The following RBFOX2 variants were observed in gnomAD, a reference collection of about 807,000 sequenced individuals.
RBFOX2 encodes the protein RNA binding protein fox-1 homolog 2.
In RBFOX2, 10 loss-of-function variants were observed where a neutral mutation model predicts 49.1. The observed-to-expected ratio is 0.20, with a 90% CI of 0.13 to 0.35. The LOEUF (loss-of-function observed/expected upper bound fraction) is 0.35, where lower values mean the gene tolerates loss of function less well. RBFOX2 is among the 10% of genes least tolerant of loss of function. The probability of loss-of-function intolerance (pLI) is 1.00; values close to 1 mark genes in which losing one functional copy is unlikely to be tolerated. For missense variants in RBFOX2, 323 were observed against 486.9 expected (o/e 0.66, Z 3.17); for synonymous variants, 183 against 187.4 (o/e 0.98, Z 0.19).
intron 1 of RBFOX2, among the ~76,000 whole-genome samples, chr22:35,834,478 CAACA>C (rs1347463320): frequency 1.3e-5 from 2 of 152,088 alleles, no homozygotes; most frequent in African/African-American, 4.8e-5. Flanking sequence ...AGGAGACAGA[CAACA>C]AACAAACATA....
intron 1 of RBFOX2, among the ~76,000 whole-genome samples, chr22:35,879,376 T>G (rs945683113): frequency 6.6e-6 from 1 of 152,232 alleles, no homozygotes; most frequent in African/African-American, 2.4e-5. Flanking sequence ...TTACACTTCA[T>G]TAGGTACTAT....
intron 1 of RBFOX2, among the ~76,000 whole-genome samples, chr22:35,958,922 T>C (rs1295851399): frequency 6.6e-6 from 1 of 151,994 alleles, no homozygotes; most frequent in Non-Finnish European, 1.5e-5. Context: ...TAGTCTCCAT[T>C]AAGTAAAAGG....
intron 1 of RBFOX2, among the ~76,000 whole-genome samples, chr22:35,905,752 G>C (rs1183452948): frequency 6.6e-6 from 1 of 152,100 alleles, no homozygotes; most frequent in East Asian, 1.9e-4. Context: ...GGAGGGGGAT[G>C]AGGAAGCTCT....
intron 9 of RBFOX2, chr22:35,747,167 C>A (rs1435960431): frequency 6.6e-6 from 1 of 152,226 alleles, no homozygotes; most frequent in Non-Finnish European, 1.5e-5. Flanking sequence ...CAGCTTGCCA[C>A]CTGTTTTTGA....
chr22:35,901,838 T>C (rs536075451), intron 1 of RBFOX2, among the ~76,000 whole-genome samples: 3 of 152,104 alleles, frequency 2.0e-5, no homozygotes, highest in East Asian at 1.9e-4. Context: ...TCCCAGCAAT[T>C]TGGGAGGCTG....
chr22:35,843,167 C>A (rs769777257), upstream of RBFOX2, among the ~76,000 whole-genome samples: 6 of 152,094 alleles, frequency 3.9e-5, no homozygotes, highest in Non-Finnish European at 8.8e-5. Context: ...AAACTGGAGT[C>A]CCCTGGTGGC....
intron 1 of RBFOX2, chr22:35,840,042 GAC>G (rs1484733226): frequency 3.7e-6 from 4 of 1,091,596 alleles, no homozygotes; most frequent in African/African-American, 1.6e-5. Flanking sequence ...GGACTCAACA[GAC>G]ACAGACTTTT....
chr22:36,012,965 C>G (rs986626740), intron 1 of RBFOX2, among the ~76,000 whole-genome samples: 8 of 152,110 alleles, frequency 5.3e-5, no homozygotes, highest in Admixed American at 4.6e-4. Context: ...GGGGTTTCAA[C>G]CTGTTGGCCA....
chr22:35,840,912 T>G (rs1418995675), upstream of RBFOX2, among the ~76,000 whole-genome samples: 1 of 152,218 alleles, frequency 6.6e-6, no homozygotes, highest in African/African-American at 2.4e-5. Flanking sequence ...AGTGAAAAGC[T>G]ATTACATGAC....
At chr22:35,807,784 GA>G (rs199935645) in intron 2 of RBFOX2, among the ~76,000 whole-genome samples, 12 of 150,210 alleles carry the variant, frequency 8.0e-5, no homozygotes, top group South Asian at 4.2e-4. Context: ...AAAAATCAAT[GA>G]AAAAAAAAGT....
intron 1 of RBFOX2, among the ~76,000 whole-genome samples, chr22:35,906,746 T>C (rs923611511): frequency 1.3e-5 from 2 of 151,964 alleles, no homozygotes; most frequent in African/African-American, 4.8e-5. Flanking sequence ...ACCCAGGAAG[T>C]GGAGGCTGCA....
At chr22:35,946,988 T>C (rs992594473) in intron 1 of RBFOX2, among the ~76,000 whole-genome samples, 2 of 152,164 alleles carry the variant, frequency 1.3e-5, no homozygotes, top group African/African-American at 2.4e-5. Flanking sequence ...GGTCAGGAGT[T>C]CGAGACCAGC....
intron 1 of RBFOX2, among the ~76,000 whole-genome samples, chr22:35,888,470 T>TTGGA (rs1362452172): frequency 6.6e-6 from 1 of 152,192 alleles, no homozygotes; most frequent in Non-Finnish European, 1.5e-5. Flanking sequence ...CTCTAGGCTA[T>TTGGA]TGTCTTAGTC....
At chr22:35,750,264 C>CACAA (rs907383080) in intron 9 of RBFOX2, among the ~76,000 whole-genome samples, 1 of 152,168 alleles carries the variant, frequency 6.6e-6, no homozygotes, top group East Asian at 1.9e-4. Context: ...CAGCTGACTG[C>CACAA]ACAAACAAAC....
chr22:36,009,898 A>G (rs1005513930), intron 1 of RBFOX2, among the ~76,000 whole-genome samples: 1 of 152,242 alleles, frequency 6.6e-6, no homozygotes, highest in Admixed American at 6.5e-5. Context: ...TTAGGTTACC[A>G]GGTGGAATAA....
At chr22:35,825,629 G>A (rs957541421) in intron 1 of RBFOX2, among the ~76,000 whole-genome samples, 7 of 152,162 alleles carry the variant, frequency 4.6e-5, no homozygotes, top group African/African-American at 1.7e-4. Context: ...CAAGGCCTTC[G>A]GTTTTTCATC....
At chr22:35,976,219 G>T (rs2057141486) in intron 1 of RBFOX2, among the ~76,000 whole-genome samples, 1 of 152,102 alleles carries the variant, frequency 6.6e-6, no homozygotes, top group Non-Finnish European at 1.5e-5. Context: ...CACTTTTCAT[G>T]TTAAATCCCC....
chr22:35,761,252 G>A, exon 8 of RBFOX2: 1 of 1,614,150 alleles, frequency 6.2e-7, no homozygotes. Context: ...TAGGGGCACT[G>A]CTGCATCATT....
intron 1 of RBFOX2, among the ~76,000 whole-genome samples, chr22:35,947,495 C>T (rs1236187285): frequency 6.7e-6 from 1 of 150,262 alleles, no homozygotes; most frequent in Non-Finnish European, 1.5e-5. Context: ...TGAGGTCTTC[C>T]AGCACACGGC....
Sources: allele counts gnomAD v4.1 joint callset (sites outside exome capture counted in the v4.1 genomes callset), GRCh38; gene constraint gnomAD v4.1.1; transcripts MANE v1.5; gene names NCBI Gene and HGNC (gene_info 2026-07-23, HGNC 2026-07-21).